The following WDR88 variants were observed in gnomAD, a reference collection of about 807,000 sequenced individuals.
WDR88 encodes WD repeat domain 88.
In WDR88, 40 loss-of-function variants were observed where a neutral mutation model predicts 46.8. The ratio of observed to expected loss-of-function variants is 0.86; its 90% CI spans 0.66 to 1.11. WDR88 has a LOEUF of 1.11. WDR88 is among the 50% of genes most tolerant of loss of function. The pLI, the probability that WDR88 is intolerant of heterozygous loss-of-function variation, is 0.00. For missense variants in WDR88, 562 were observed against 602.4 expected (o/e 0.93, Z 0.70); for synonymous variants, 235 against 240.7 (o/e 0.98, Z 0.22).
At chr19:33,147,729 G>C in intron 4 of WDR88, 21 bp downstream of exon 4, 3 of 1,612,922 alleles carry the variant, frequency 1.9e-6, no homozygotes, top group Non-Finnish European at 1.7e-6. Flanking sequence ...CTGTCCAGTG[G>C]GGGCGTTGGT....
chr19:33,146,114 T>C (rs1477116138), intron 3 of WDR88, among the ~76,000 whole-genome samples: 2 of 152,072 alleles, frequency 1.3e-5, no homozygotes, highest in African/African-American at 2.4e-5. Flanking sequence ...CTGACCAACA[T>C]GGAGAAACCC....
intron 9 of WDR88, among the ~76,000 whole-genome samples, chr19:33,169,030 T>C (rs1599917619): frequency 6.6e-6 from 1 of 152,138 alleles, no homozygotes; most frequent in South Asian, 2.1e-4. Flanking sequence ...GCTAGGAAAA[T>C]TGGAAATTTA....
chr19:33,156,014 G>A (rs1319782416), intron 6 of WDR88, among the ~76,000 whole-genome samples: 1 of 152,242 alleles, frequency 6.6e-6, no homozygotes, highest in African/African-American at 2.4e-5. Flanking sequence ...TGGACCACTA[G>A]AGCCTAGGAG....
intron 1 of WDR88, among the ~76,000 whole-genome samples, chr19:33,133,485 T>C (rs1363935011): frequency 6.6e-6 from 1 of 152,040 alleles, no homozygotes; most frequent in East Asian, 1.9e-4. Flanking sequence ...GAGGCAGAGG[T>C]TGCAGTGAGC....
chr19:33,137,565 T>A, intron 1 of WDR88, 112 bp from the exon 2 acceptor site: 1 of 997,698 alleles, frequency 1.0e-6, no homozygotes, highest in Non-Finnish European at 1.5e-6. Flanking sequence ...ATTTTTTAAA[T>A]TCATTTTTTT....
intron 7 of WDR88, among the ~76,000 whole-genome samples, chr19:33,157,641 G>GTATA (rs1973771312): frequency 2.5e-5 from 3 of 121,794 alleles, no homozygotes; most frequent in Non-Finnish European, 5.1e-5. Context: ...GTGTATATAT[G>GTATA]TGTGTGTGTA....
chr19:33,138,769 C>G (rs1568359073), intron 2 of WDR88, among the ~76,000 whole-genome samples: 1 of 149,906 alleles, frequency 6.7e-6, no homozygotes, highest in African/African-American at 2.5e-5. Context: ...CTACAACTTC[C>G]GCCTCTGGGT....
rs1568363051 is a variant in WDR88 at position 33,147,699 on chromosome 19, C to G, written c.531C>G (p.Gly177=). The change falls in exon 4 of 11, where the codon GGC becomes GGG. Residue 177 remains glycine (G), a synonymous_variant. Transcript: ENST00000355868. Reference sequence around the variant, plus strand: ...TGAGGGCCTGGGACCTGGAGACAGGCAAGCTGCTGGTACGTATGCCTGTCC... The same window carrying G: ...TGAGGGCCTGGGACCTGGAGACAGGGAAGCTGCTGGTACGTATGCCTGTCC... ...KTVRAWDLET[G]KLLWKVRYDT... The G allele has an allele frequency of 3.7e-6, 6 of 1,613,846 alleles. No individual in the cohort carries two copies. Among genetic ancestry groups the G allele is most frequent in the Non-Finnish European group, 5.1e-6 (6 of 1,179,884 alleles).
chr19:33,175,689 G>A lies in WDR88; in HGVS notation c.*117G>A. 7.7e-7 allele frequency: 1 copy of A among 1,292,070 alleles called. No homozygotes were observed. The highest frequency in any genetic ancestry group is 1.1e-6 in the Non-Finnish European group (1 of 929,516). The allele number at this position is 1,292,070 out of a possible 1,614,324, so 80.0% of individuals were successfully genotyped here. ...GGCTCAGCAGGCCTGTCAGACTGGG[G>A]CAGGACCCAAGCCCTGGCTGGACTC... On this transcript the variant is annotated 3_prime_UTR_variant, in exon 11 of 11. Coordinates refer to ENST00000355868, the MANE Select transcript of WDR88 (RefSeq NM_173479.4).
intron 4 of WDR88, 97 bp downstream of exon 4, chr19:33,147,805 T>A: frequency 9.7e-7 from 1 of 1,032,202 alleles, no homozygotes; most frequent in Non-Finnish European, 1.4e-6. Context: ...GGGGAGGTGA[T>A]AAAACTCCAT....
intron 9 of WDR88, among the ~76,000 whole-genome samples, chr19:33,169,991 CCTCAGCCTCCCGAGTAG>C (rs1315498299): frequency 6.6e-6 from 1 of 152,134 alleles, no homozygotes; most frequent in East Asian, 1.9e-4. Flanking sequence ...GATTTTCCTG[CCTCAGCCTCCCGAGTAG>C]CTGGGATTAC....
chr19:33,158,732 C>T (rs1242962950), intron 7 of WDR88, among the ~76,000 whole-genome samples: 3 of 152,178 alleles, frequency 2.0e-5, no homozygotes, highest in Non-Finnish European at 4.4e-5. Context: ...GTTTTGCTCC[C>T]TCTGTTGCCC....
chr19:33,168,623 T>C (rs1008089186), intron 9 of WDR88, among the ~76,000 whole-genome samples: 58 of 152,302 alleles, frequency 3.8e-4, no homozygotes, highest in African/African-American at 1.3e-3. Context: ...AAGACTTGAA[T>C]GAATGGAAAG....
intron 9 of WDR88, among the ~76,000 whole-genome samples, chr19:33,170,140 G>A (rs1257234457): frequency 6.6e-6 from 1 of 152,088 alleles, no homozygotes; most frequent in African/African-American, 2.4e-5. Context: ...GCCTCCCAAA[G>A]TGCTGGGATT....
chr19:33,163,385 A>G (rs1279566690), intron 8 of WDR88, among the ~76,000 whole-genome samples: 1 of 152,020 alleles, frequency 6.6e-6, no homozygotes, highest in African/African-American at 2.4e-5. Context: ...AATCCCAGCT[A>G]CTTGGCAGGC....
chr19:33,140,670 G>A (rs1026786497), intron 2 of WDR88, among the ~76,000 whole-genome samples: 1 of 151,938 alleles, frequency 6.6e-6, no homozygotes, highest in Non-Finnish European at 1.5e-5. Flanking sequence ...GGTGCCTGTA[G>A]TCCCAGCTAC....
intron 7 of WDR88, among the ~76,000 whole-genome samples, chr19:33,160,003 A>T (rs551517095): frequency 6.6e-5 from 10 of 152,120 alleles, no homozygotes; most frequent in African/African-American, 2.2e-4. Flanking sequence ...TCGCATCCGC[A>T]GTTCACAATA....
intron 3 of WDR88, among the ~76,000 whole-genome samples, chr19:33,146,080 C>T (rs968503621): frequency 6.6e-6 from 1 of 151,988 alleles, no homozygotes; most frequent in South Asian, 2.1e-4. Context: ...CACCTGAGGT[C>T]GGGTAGCCTT....
chr19:33,144,460 A>G (rs1417061519), intron 2 of WDR88, among the ~76,000 whole-genome samples: 1 of 152,142 alleles, frequency 6.6e-6, no homozygotes, highest in Non-Finnish European at 1.5e-5. Flanking sequence ...TCGGCCTCCC[A>G]AAGTGCTGGG....
Sources: gnomAD v4.1 joint callset for allele counts (sites outside exome capture counted in the v4.1 genomes callset) on GRCh38, gnomAD v4.1.1 for gene constraint, MANE v1.5 for transcripts, NCBI Gene and HGNC (gene_info 2026-07-23, HGNC 2026-07-21) for gene names.